DENND1B: variants seen among roughly 807,000 people sequenced by gnomAD.
The protein encoded by DENND1B is DENN domain-containing protein 1B.
A neutral mutation model predicts 90.1 loss-of-function variants in DENND1B; 59 were observed. The observed-to-expected ratio is 0.65, with a 90% confidence interval of 0.53 to 0.81. The LOEUF is 0.81. DENND1B is among the 40% of genes least tolerant of loss of function. The probability of loss-of-function intolerance (pLI) is 0.00; values close to 1 mark genes in which losing one functional copy is unlikely to be tolerated. For missense variants in DENND1B, 862 were observed against 912.6 expected (o/e 0.94, Z 0.71); for synonymous variants, 337 against 324.6 (o/e 1.04, Z -0.41).
intron 10 of DENND1B, among the ~76,000 whole-genome samples, chr1:197,628,546 A>C (rs1679010437): frequency 6.6e-6 from 1 of 152,168 alleles, no homozygotes; most frequent in Non-Finnish European, 1.5e-5. Context: ...TAAAGACTTA[A>C]ACGTTAGACC....
intron 7 of DENND1B, among the ~76,000 whole-genome samples, chr1:197,648,568 C>G (rs559547758): frequency 3.3e-5 from 5 of 152,258 alleles, no homozygotes; most frequent in African/African-American, 1.2e-4. Context: ...TTCCTTAACT[C>G]TTTAAGAGTG....
intron 20 of DENND1B, among the ~76,000 whole-genome samples, chr1:197,535,650 C>A (rs1422248666): frequency 1.3e-5 from 2 of 152,182 alleles, no homozygotes; most frequent in African/African-American, 2.4e-5. Context: ...CAGTAGACAT[C>A]TTGTGAGATA....
upstream of DENND1B, among the ~76,000 whole-genome samples, chr1:197,777,700 G>A (rs750607499): frequency 3.9e-5 from 6 of 151,952 alleles, no homozygotes; most frequent in African/African-American, 7.3e-5. Context: ...TTTCCTACTC[G>A]ACAATTAATA....
intron 5 of DENND1B, among the ~76,000 whole-genome samples, chr1:197,661,793 T>A (rs925560838): frequency 3.4e-4 from 52 of 152,206 alleles, no homozygotes; most frequent in African/African-American, 1.2e-3. Flanking sequence ...CTTTATATTA[T>A]TGTTTTTCAC....
At chr1:197,580,860 CCTGTA>C (rs1199999438) in intron 15 of DENND1B, among the ~76,000 whole-genome samples, 1 of 152,160 alleles carries the variant, frequency 6.6e-6, no homozygotes, top group Non-Finnish European at 1.5e-5. Context: ...GGCTTTGTCT[CCTGTA>C]CTGTCTCAAC....
chr1:197,738,843 G>A (rs1662955551), intron 2 of DENND1B, among the ~76,000 whole-genome samples: 1 of 152,150 alleles, frequency 6.6e-6, no homozygotes, highest in Non-Finnish European at 1.5e-5. Flanking sequence ...AAACAAACAA[G>A]GTAAGCCTTA....
chr1:197,765,394 A>G (rs1352389183), intron 2 of DENND1B, among the ~76,000 whole-genome samples: 1 of 152,238 alleles, frequency 6.6e-6, no homozygotes, highest in Non-Finnish European at 1.5e-5. Flanking sequence ...TACCATGGCC[A>G]TCTGCGTAAA....
intron 7 of DENND1B, among the ~76,000 whole-genome samples, chr1:197,648,081 C>A (rs892275184): frequency 3.3e-5 from 5 of 152,108 alleles, no homozygotes; most frequent in African/African-American, 1.2e-4. Context: ...CAGAACACAG[C>A]CACTCAAATT....
intron 2 of DENND1B, among the ~76,000 whole-genome samples, chr1:197,745,304 T>A: frequency 6.6e-6 from 1 of 152,190 alleles, no homozygotes; most frequent in East Asian, 1.9e-4. Flanking sequence ...CCTTCCTCAC[T>A]AAGCTTTATC....
intron 7 of DENND1B, among the ~76,000 whole-genome samples, chr1:197,650,570 G>A (rs1245555104): frequency 6.6e-6 from 1 of 152,130 alleles, no homozygotes; most frequent in African/African-American, 2.4e-5. Flanking sequence ...GCACACACAC[G>A]TTTATAGCAG....
At chr1:197,602,253 A>G (rs1180853863) in intron 13 of DENND1B, among the ~76,000 whole-genome samples, 1 of 151,532 alleles carries the variant, frequency 6.6e-6, no homozygotes, top group Non-Finnish European at 1.5e-5. Context: ...GTGTAATTAT[A>G]TTTCCTTTCA....
chr1:197,636,441 A>C (rs1000332852), intron 10 of DENND1B, among the ~76,000 whole-genome samples: 1 of 152,176 alleles, frequency 6.6e-6, no homozygotes, highest in Non-Finnish European at 1.5e-5. Context: ...AAGAGGCAAA[A>C]TTGCATAAAG....
chr1:197,590,598 A>G (rs1179118867), intron 14 of DENND1B, among the ~76,000 whole-genome samples: 1 of 152,228 alleles, frequency 6.6e-6, no homozygotes, highest in Admixed American at 6.5e-5. Context: ...TACACACTGT[A>G]AGTAACAACA....
chr1:197,519,309 T>A (rs1571713567), intron 20 of DENND1B, among the ~76,000 whole-genome samples: 1 of 152,028 alleles, frequency 6.6e-6, no homozygotes, highest in South Asian at 2.1e-4. Context: ...TTATACATAG[T>A]AGGTAGTTTT....
chr1:197,733,065 G>A (rs1662297157), intron 2 of DENND1B, among the ~76,000 whole-genome samples: 2 of 151,798 alleles, frequency 1.3e-5, no homozygotes, highest in South Asian at 4.2e-4. Flanking sequence ...AAGGAAATTG[G>A]GGAAAAAAAC....
At chr1:197,519,606 C>A (rs544449399) in intron 20 of DENND1B, among the ~76,000 whole-genome samples, 1 of 151,928 alleles carries the variant, frequency 6.6e-6, no homozygotes, top group African/African-American at 2.4e-5. Context: ...ATTATGACTT[C>A]GGTTAATTTG....
chr1:197,526,904 C>T (rs980347134), intron 20 of DENND1B, among the ~76,000 whole-genome samples: 6 of 151,998 alleles, frequency 3.9e-5, no homozygotes, highest in Admixed American at 6.6e-5. Context: ...TTCTGAAAGG[C>T]GCTAAAAATT....
At chr1:197,674,073 TG>T (rs746027836) in intron 4 of DENND1B, 46 bp downstream of exon 4, 1 of 1,275,978 alleles carries the variant, frequency 7.8e-7, no homozygotes, top group South Asian at 1.4e-5. Context: ...TTTTCAAGTA[TG>T]TACTATAAGA....
chr1:197,674,805 A>C (rs1273177226), intron 3 of DENND1B, among the ~76,000 whole-genome samples: 1 of 152,170 alleles, frequency 6.6e-6, no homozygotes, highest in Non-Finnish European at 1.5e-5. Flanking sequence ...TACAGCTTCT[A>C]TTCTGTGCAC....
Sources: allele counts gnomAD v4.1 joint callset (sites outside exome capture counted in the v4.1 genomes callset), GRCh38; gene constraint gnomAD v4.1.1; transcripts MANE v1.5; gene names NCBI Gene and HGNC (gene_info 2026-07-23, HGNC 2026-07-21).